The following TASP1 variants were observed in gnomAD, a reference collection of about 807,000 sequenced individuals.
TASP1 encodes taspase 1.
TASP1 carries 16 observed loss-of-function variants against 56.6 expected under a neutral mutation model. The ratio of observed to expected loss-of-function variants is 0.28; its 90% CI spans 0.19 to 0.43. The LOEUF is 0.43. TASP1 is among the 20% of genes least tolerant of loss of function. The pLI is 1.00. For missense variants in TASP1, 393 were observed against 511.6 expected (o/e 0.77, Z 2.24); for synonymous variants, 179 against 184.2 (o/e 0.97, Z 0.23).
At chr20:13,541,906 A>G (rs1435057018) in intron 8 of TASP1, among the ~76,000 whole-genome samples, 2 of 152,016 alleles carry the variant, frequency 1.3e-5, no homozygotes, top group Non-Finnish European at 2.9e-5. Flanking sequence ...TGAGCCAGGC[A>G]TGGCGGTGTG....
the TASP1 span, among the ~76,000 whole-genome samples, chr20:13,301,891 G>A: frequency 2.0e-5 from 3 of 152,180 alleles, no homozygotes; most frequent in African/African-American, 7.2e-5. Context: ...AAAGTACTAT[G>A]AAGAAATAGA....
the TASP1 span, chr20:13,288,602 G>A: frequency 1.9e-6 from 3 of 1,613,962 alleles, no homozygotes; most frequent in Admixed American, 1.7e-5. Flanking sequence ...CTGCGGGAAC[G>A]GCAACCAGAA....
At chr20:13,582,281 A>G (rs2047155453) in intron 5 of TASP1, among the ~76,000 whole-genome samples, 1 of 152,036 alleles carries the variant, frequency 6.6e-6, no homozygotes, top group Admixed American at 6.6e-5. Flanking sequence ...TCCAATTTAT[A>G]ACTTTATATT....
intron 7 of TASP1, among the ~76,000 whole-genome samples, chr20:13,560,859 C>CT (rs2046322228): frequency 6.6e-6 from 1 of 152,156 alleles, no homozygotes; most frequent in African/African-American, 2.4e-5. Flanking sequence ...AAGATATAAA[C>CT]ACCCAAGAAG....
Position 13,400,112 on chromosome 20 carries a change from T to TA in TASP1, c.1171-9661dup, listed in dbSNP as rs199719110. Among the ~76,000 whole-genome samples the TA allele has an allele frequency of 2.3e-3, 351 of 152,320 alleles. 2 individuals carry two copies. Among genetic ancestry groups the TA allele is most frequent in the African/African-American group, 7.7e-3 (322 of 41,566 alleles). On this transcript the variant is annotated intron_variant, in intron 13 of 13. Transcript: ENST00000337743. ...TCACAAACATAGTATAGGCCTTACT[T>TA]ATCTTGTTCGTTATTTCCCCCACCA...
the TASP1 span, among the ~76,000 whole-genome samples, chr20:13,309,822 C>G: frequency 1.3e-5 from 2 of 150,800 alleles, no homozygotes; most frequent in Non-Finnish European, 2.9e-5. Flanking sequence ...AAAAAGAAAT[C>G]AAGAAAACAT....
intron 11 of TASP1, among the ~76,000 whole-genome samples, chr20:13,482,554 A>AT (rs1217203407): frequency 6.6e-6 from 1 of 152,070 alleles, no homozygotes; most frequent in Non-Finnish European, 1.5e-5. Context: ...GTATTTTTCC[A>AT]TTTTTTTGTT....
At chr20:13,186,361 T>G in the TASP1 span, among the ~76,000 whole-genome samples, 1 of 152,204 alleles carries the variant, frequency 6.6e-6, no homozygotes, top group African/African-American at 2.4e-5. Flanking sequence ...TCTCTTACGT[T>G]AGTCTCCAGT....
intron 11 of TASP1, among the ~76,000 whole-genome samples, chr20:13,448,289 T>C (rs1425736368): frequency 6.6e-6 from 1 of 152,140 alleles, no homozygotes; most frequent in East Asian, 1.9e-4. Context: ...AATTCCCATA[T>C]GTATTTGCAT....
At chr20:13,201,420 A>G in the TASP1 span, among the ~76,000 whole-genome samples, 1 of 151,878 alleles carries the variant, frequency 6.6e-6, no homozygotes, top group Non-Finnish European at 1.5e-5. Flanking sequence ...AGAAATTTGA[A>G]TAACTGGGTG....
chr20:13,442,368 A>G (rs2043247860), intron 11 of TASP1, among the ~76,000 whole-genome samples: 1 of 152,018 alleles, frequency 6.6e-6, no homozygotes, highest in Admixed American at 6.6e-5. Context: ...GAATGGCAAG[A>G]AAGAAGAGAA....
chr20:13,247,524 G>GTGTGTGTC, the TASP1 span, among the ~76,000 whole-genome samples: 1,752 of 117,576 alleles, frequency 0.015, 43 homozygotes, highest in African/African-American at 0.044. Flanking sequence ...AGGGGTGTGT[G>GTGTGTGTC]TGTGTGTGTG....
chr20:13,511,671 T>C (rs1207166718), intron 10 of TASP1, among the ~76,000 whole-genome samples: 1 of 152,080 alleles, frequency 6.6e-6, no homozygotes, highest in African/African-American at 2.4e-5. Context: ...TACATCTGTA[T>C]ACATGTGCCA....
the TASP1 span, among the ~76,000 whole-genome samples, chr20:13,278,959 T>C: frequency 6.6e-6 from 1 of 152,156 alleles, no homozygotes; most frequent in Admixed American, 6.5e-5. Context: ...TCCAAGAGAA[T>C]GAAAATGAAA....
At chr20:13,200,053 A>C in the TASP1 span, among the ~76,000 whole-genome samples, 1 of 152,230 alleles carries the variant, frequency 6.6e-6, no homozygotes, top group Non-Finnish European at 1.5e-5. Flanking sequence ...ATACACATAA[A>C]TATAACTTGA....
At chr20:13,327,105 T>G in the TASP1 span, among the ~76,000 whole-genome samples, 1 of 152,116 alleles carries the variant, frequency 6.6e-6, no homozygotes, top group South Asian at 2.1e-4. Context: ...ATAAGCAACT[T>G]CAGCAAAGTC....
intron 10 of TASP1, among the ~76,000 whole-genome samples, chr20:13,500,790 A>G (rs1475411806): frequency 1.3e-5 from 2 of 152,090 alleles, no homozygotes; most frequent in African/African-American, 4.8e-5. Flanking sequence ...TATCGAATGC[A>G]TATAACCGCA....
At chr20:13,277,223 G>A in the TASP1 span, among the ~76,000 whole-genome samples, 43 of 152,226 alleles carry the variant, frequency 2.8e-4, no homozygotes, top group African/African-American at 5.5e-4. Flanking sequence ...TGCAGGGCAC[G>A]TTTTGTTTAA....
At chr20:13,361,382 G>A in the TASP1 span, among the ~76,000 whole-genome samples, 28 of 151,840 alleles carry the variant, frequency 1.8e-4, no homozygotes, top group East Asian at 1.2e-3. Flanking sequence ...CAAATCAGCC[G>A]AGCAGTTTTT....
Sources: gnomAD v4.1 joint callset for allele counts (sites outside exome capture counted in the v4.1 genomes callset) on GRCh38, gnomAD v4.1.1 for gene constraint, MANE v1.5 for transcripts, NCBI Gene and HGNC (gene_info 2026-07-23, HGNC 2026-07-21) for gene names.